The following CTNNA2 variants were observed in gnomAD, a reference collection of about 807,000 sequenced individuals.
The protein encoded by CTNNA2 is catenin alpha-2.
CTNNA2 carries 42 observed loss-of-function variants against 101.0 expected under a neutral mutation model. The ratio of observed to expected loss-of-function variants is 0.42; its 90% confidence interval spans 0.32 to 0.54. The LOEUF is 0.54. Ranked by LOEUF, CTNNA2 falls within the 20% of genes least tolerant of loss-of-function variation. CTNNA2 has a pLI of 0.14. For missense variants in CTNNA2, 871 were observed against 1,223.1 expected (o/e 0.71, Z 4.29); for synonymous variants, 450 against 456.4 (o/e 0.99, Z 0.18).
chr2:79,550,445 G>A (rs1674027461), intron 1 of CTNNA2, among the ~76,000 whole-genome samples: 1 of 152,114 alleles, frequency 6.6e-6, no homozygotes, highest in Non-Finnish European at 1.5e-5. Context: ...GAGGGAATCA[G>A]TATCTTGGTA....
chr2:80,546,653 T>C (rs774867366), intron 11 of CTNNA2, among the ~76,000 whole-genome samples: 2 of 152,232 alleles, frequency 1.3e-5, no homozygotes, highest in Non-Finnish European at 2.9e-5. Context: ...CTTTCTTCTT[T>C]GTAAATGAAG....
At chr2:79,781,195 T>G (rs1047171296) in intron 3 of CTNNA2, among the ~76,000 whole-genome samples, 1 of 152,218 alleles carries the variant, frequency 6.6e-6, no homozygotes, top group African/African-American at 2.4e-5. Context: ...TTTTAGACCA[T>G]ACAGGATAAA....
chr2:80,215,335 G>A (rs769246928), intron 7 of CTNNA2, among the ~76,000 whole-genome samples: 9 of 152,178 alleles, frequency 5.9e-5, no homozygotes, highest in Non-Finnish European at 1.2e-4. Context: ...TGGAGGAGAA[G>A]AGCTGCTCTG....
chr2:80,608,514 G>C (rs942403904), intron 17 of CTNNA2, 196 bp downstream of exon 17: 10 of 460,636 alleles, frequency 2.2e-5, no homozygotes, highest in Non-Finnish European at 3.3e-5. Context: ...CAATTACCCT[G>C]TGTTTATTCT....
chr2:79,825,495 A>ATC (rs1423828408), intron 3 of CTNNA2, among the ~76,000 whole-genome samples: 2 of 152,158 alleles, frequency 1.3e-5, no homozygotes, highest in Non-Finnish European at 2.9e-5. Context: ...AATTCGAATT[A>ATC]TCTGGTTTGA....
intron 2 of CTNNA2, among the ~76,000 whole-genome samples, chr2:79,731,258 CTG>C (rs1363360249): frequency 6.6e-6 from 1 of 152,020 alleles, no homozygotes; most frequent in African/African-American, 2.4e-5. Context: ...CTTGAATCTC[CTG>C]TGTTTCAACG....
intron 7 of CTNNA2, among the ~76,000 whole-genome samples, chr2:80,323,662 T>C (rs897707206): frequency 6.6e-6 from 1 of 152,090 alleles, no homozygotes; most frequent in Non-Finnish European, 1.5e-5. Flanking sequence ...TTCTTTTCTT[T>C]CTTTTTCTCC....
intron 7 of CTNNA2, among the ~76,000 whole-genome samples, chr2:80,335,514 A>G (rs758536390): frequency 1.3e-5 from 2 of 152,012 alleles, no homozygotes; most frequent in Non-Finnish European, 2.9e-5. Flanking sequence ...TCACATCAAA[A>G]TAGTTTGGGT....
At chr2:79,314,407 G>A (rs553897173) in intron 3 of CTNNA2, among the ~76,000 whole-genome samples, 268 of 152,314 alleles carry the variant, frequency 1.8e-3, no homozygotes, top group African/African-American at 6.3e-3. Context: ...GGAGGCTAAT[G>A]TAAACAACCT....
intron 8 of CTNNA2, among the ~76,000 whole-genome samples, chr2:80,398,529 A>C (rs556437809): frequency 1.3e-5 from 2 of 152,086 alleles, no homozygotes; most frequent in African/African-American, 4.8e-5. Flanking sequence ...TTTGAAATAC[A>C]AGAAACATGA....
chr2:80,136,151 T>C (rs1193519194), intron 7 of CTNNA2, among the ~76,000 whole-genome samples: 1 of 152,186 alleles, frequency 6.6e-6, no homozygotes, highest in Admixed American at 6.5e-5. Flanking sequence ...GTGAAGTTCC[T>C]GAGAAGTGCC....
intron 7 of CTNNA2, among the ~76,000 whole-genome samples, chr2:79,935,899 C>G (rs908502844): frequency 6.6e-6 from 1 of 152,116 alleles, no homozygotes; most frequent in Non-Finnish European, 1.5e-5. Context: ...AAATTAAATG[C>G]AAGTCACAGT....
intron 1 of CTNNA2, among the ~76,000 whole-genome samples, chr2:79,531,750 C>T (rs1001417822): frequency 4.0e-5 from 6 of 151,128 alleles, no homozygotes; most frequent in African/African-American, 7.3e-5. Context: ...GGCATGATCT[C>T]GGCTCACTGC....
intron 4 of CTNNA2, among the ~76,000 whole-genome samples, chr2:79,436,486 T>TA (rs1269626121): frequency 7.5e-6 from 1 of 133,212 alleles, no homozygotes; most frequent in Non-Finnish European, 1.6e-5. Flanking sequence ...CTGGAGACTT[T>TA]AAAAACACTG....
intron 7 of CTNNA2, among the ~76,000 whole-genome samples, chr2:79,989,442 G>C (rs1692007857): frequency 6.6e-6 from 1 of 152,050 alleles, no homozygotes; most frequent in South Asian, 2.1e-4. Flanking sequence ...GAGCAACATG[G>C]TGAAAATCCC....
At chr2:79,833,341 A>G (rs1679070794) in intron 3 of CTNNA2, among the ~76,000 whole-genome samples, 1 of 152,218 alleles carries the variant, frequency 6.6e-6, no homozygotes, top group Non-Finnish European at 1.5e-5. Flanking sequence ...AGTTAGCCTA[A>G]GAACTCAATG....
intron 1 of CTNNA2, among the ~76,000 whole-genome samples, chr2:79,631,812 T>C (rs1218132639): frequency 3.9e-5 from 6 of 152,194 alleles, no homozygotes; most frequent in Non-Finnish European, 8.8e-5. Context: ...TTCACCCCAC[T>C]GCCTTACTGA....
At chr2:80,544,818 A>G (rs1386749735) in intron 9 of CTNNA2, among the ~76,000 whole-genome samples, 164 bp from the exon 10 acceptor site, 1 of 152,130 alleles carries the variant, frequency 6.6e-6, no homozygotes, top group Non-Finnish European at 1.5e-5. Context: ...AATTAGCATA[A>G]GAAGTAGTAC....
intron 7 of CTNNA2, among the ~76,000 whole-genome samples, chr2:80,163,413 C>A (rs1439157519): frequency 6.6e-6 from 1 of 151,966 alleles, no homozygotes; most frequent in Non-Finnish European, 1.5e-5. Context: ...TGGAGATTTT[C>A]TTTTTATCAC....
Sources: gnomAD v4.1 joint callset for allele counts (sites outside exome capture counted in the v4.1 genomes callset) on GRCh38, gnomAD v4.1.1 for gene constraint, MANE v1.5 for transcripts, NCBI Gene and HGNC (gene_info 2026-07-23, HGNC 2026-07-21) for gene names.